The following PRKCE variants were observed in gnomAD, a reference collection of about 807,000 sequenced individuals.
PRKCE encodes protein kinase C epsilon.
In PRKCE, 16 loss-of-function variants were observed where a neutral mutation model predicts 85.4. The ratio of observed to expected loss-of-function variants is 0.19; its 90% confidence interval spans 0.13 to 0.28. The LOEUF is 0.28. Ranked by LOEUF, PRKCE falls within the 10% of genes least tolerant of loss-of-function variation. PRKCE has a pLI of 1.00. For synonymous variants in PRKCE, 388 were observed against 371.5 expected, an observed-to-expected ratio of 1.04 and a Z score of -0.51; for missense variants, 573 against 975.2, an observed-to-expected ratio of 0.59 and a Z score of 5.49.
In PRKCE at chr2:46,085,738, TTTTTTTTTTTGTTTTTG is replaced by T. The variant is rs1339599991; in HGVS notation, c.1438-459_1438-443del. On this transcript the variant is annotated intron_variant, in intron 10 of 14. Transcript: ENST00000306156. Reference sequence around the variant, plus strand: ...ACTTAATTACATCTGCAAAATCCGTTTTTTTTTTTTGTTTTTGTTTTTTTTTTTTTTTTTAGCCATAT... The same window carrying T: ...ACTTAATTACATCTGCAAAATCCGTTTTTTTTTTTTTTTTTTTAGCCATAT... 7.3e-3 allele frequency among the ~76,000 whole-genome samples: 49 copies of T among 6,700 alleles called. 4 individuals carry two copies. The highest frequency in any genetic ancestry group is 0.041 in the South Asian group (5 of 122). 4.4% of individuals were successfully genotyped at this position (6,700 alleles called of 152,430 possible).
chr2:45,942,534 C>A (rs1032503744), intron 2 of PRKCE, among the ~76,000 whole-genome samples: 1 of 152,084 alleles, frequency 6.6e-6, no homozygotes, highest in Non-Finnish European at 1.5e-5. Flanking sequence ...GTGAAAGGTC[C>A]CTGTGGCTCT....
chr2:45,814,281 A>G (rs193291346), intron 1 of PRKCE, among the ~76,000 whole-genome samples: 23 of 152,338 alleles, frequency 1.5e-4, no homozygotes, highest in Middle Eastern at 6.8e-3. Flanking sequence ...ATCAAGAATG[A>G]TAAGGAGCCA....
At chr2:45,677,796 A>G (rs1045122128) in intron 1 of PRKCE, 7 of 970,274 alleles carry the variant, frequency 7.2e-6, no homozygotes, top group Non-Finnish European at 8.6e-6. Flanking sequence ...CTTAAAAGGC[A>G]ATTGCTTTAG....
chr2:46,125,736 A>T (rs984656794), intron 11 of PRKCE, among the ~76,000 whole-genome samples: 1 of 152,246 alleles, frequency 6.6e-6, no homozygotes. Flanking sequence ...TAGTAGGTAC[A>T]TAAGTGAGAA....
At chr2:45,922,425 T>C (rs1375343) in intron 2 of PRKCE, among the ~76,000 whole-genome samples, 21 of 151,990 alleles carry the variant, frequency 1.4e-4, no homozygotes, top group Admixed American at 2.0e-4. Context: ...CATCTAGAGT[T>C]GGGGGACACA....
intron 1 of PRKCE, among the ~76,000 whole-genome samples, chr2:45,815,576 C>G (rs936738404): frequency 4.6e-5 from 7 of 152,174 alleles, no homozygotes; most frequent in African/African-American, 1.7e-4. Flanking sequence ...ACTTCCTGAC[C>G]AGTCACTTTG....
chr2:45,926,285 G>C (rs889480786), intron 2 of PRKCE, among the ~76,000 whole-genome samples: 7 of 152,208 alleles, frequency 4.6e-5, no homozygotes, highest in Non-Finnish European at 8.8e-5. Context: ...TATGGGCAGA[G>C]GGGGGAATCA....
intron 1 of PRKCE, among the ~76,000 whole-genome samples, chr2:45,741,140 G>A (rs796235710): frequency 6.6e-5 from 10 of 152,326 alleles, no homozygotes; most frequent in African/African-American, 2.4e-4. Context: ...GATCCCAAAT[G>A]TGATTGCTTC....
At chr2:45,755,147 A>G (rs1231533978) in intron 1 of PRKCE, among the ~76,000 whole-genome samples, 3 of 152,232 alleles carry the variant, frequency 2.0e-5, no homozygotes, top group South Asian at 4.1e-4. Context: ...GATGATTCTG[A>G]TAGTCACCCT....
At chr2:45,710,732 T>C (rs1207454764) in intron 1 of PRKCE, among the ~76,000 whole-genome samples, 2 of 152,218 alleles carry the variant, frequency 1.3e-5, no homozygotes, top group Non-Finnish European at 2.9e-5. Context: ...ATCTTGTTTT[T>C]GCCAGGGCCA....
chr2:46,072,483 C>G (rs1668161979), intron 10 of PRKCE, among the ~76,000 whole-genome samples: 1 of 152,204 alleles, frequency 6.6e-6, no homozygotes, highest in South Asian at 2.1e-4. Context: ...AACAACATGT[C>G]TATAAGACTA....
chr2:45,667,183 C>T (rs1675953605), intron 1 of PRKCE, among the ~76,000 whole-genome samples: 1 of 152,032 alleles, frequency 6.6e-6, no homozygotes, highest in African/African-American at 2.4e-5. Flanking sequence ...TGGTGGCACA[C>T]ACCTGTAATC....
intron 11 of PRKCE, among the ~76,000 whole-genome samples, chr2:46,121,689 C>T (rs1189905991): frequency 6.6e-6 from 1 of 152,224 alleles, no homozygotes; most frequent in Non-Finnish European, 1.5e-5. Flanking sequence ...AAACGCTAGG[C>T]TTTCAGCACG....
At chr2:46,136,002 A>G (rs1311214080) in intron 11 of PRKCE, among the ~76,000 whole-genome samples, 1 of 152,020 alleles carries the variant, frequency 6.6e-6, no homozygotes, top group Non-Finnish European at 1.5e-5. Context: ...AGAAGAACCA[A>G]TATTCCCATC....
intron 1 of PRKCE, among the ~76,000 whole-genome samples, chr2:45,739,963 G>A (rs1202142992): frequency 6.6e-6 from 1 of 152,150 alleles, no homozygotes; most frequent in Non-Finnish European, 1.5e-5. Flanking sequence ...GTAGCTTTGA[G>A]ATACACCATA....
chr2:46,149,744 T>C (rs570125913), intron 12 of PRKCE, among the ~76,000 whole-genome samples: 7 of 93,520 alleles, frequency 7.5e-5, no homozygotes, highest in Non-Finnish European at 1.5e-4. Flanking sequence ...TATATGTATT[T>C]ATATATATAT....
intron 2 of PRKCE, among the ~76,000 whole-genome samples, chr2:45,960,591 G>A (rs994678034): frequency 1.3e-5 from 2 of 152,186 alleles, no homozygotes; most frequent in Non-Finnish European, 2.9e-5. Context: ...CTGACAGGAG[G>A]TGGAGCTCAG....
chr2:45,853,218 C>T (rs1374002523), intron 2 of PRKCE, among the ~76,000 whole-genome samples: 1 of 152,130 alleles, frequency 6.6e-6, no homozygotes, highest in Non-Finnish European at 1.5e-5. Context: ...TGTTAGAGAG[C>T]TGGGAAATGC....
chr2:45,698,556 A>C (rs1230957490), intron 1 of PRKCE, among the ~76,000 whole-genome samples: 3 of 151,954 alleles, frequency 2.0e-5, no homozygotes, highest in Admixed American at 1.3e-4. Context: ...TGTTGCAAAC[A>C]ACAGTGAGCA....
Sources: gnomAD v4.1 joint callset for allele counts (sites outside exome capture counted in the v4.1 genomes callset) on GRCh38, gnomAD v4.1.1 for gene constraint, MANE v1.5 for transcripts, NCBI Gene and HGNC (gene_info 2026-07-23, HGNC 2026-07-21) for gene names.